TSKS: variants seen among roughly 807,000 people sequenced by gnomAD.
TSKS encodes testis-specific serine kinase substrate.
TSKS carries 27 observed loss-of-function variants against 68.0 expected under a neutral mutation model. The ratio of observed to expected loss-of-function variants is 0.40; its 90% CI spans 0.29 to 0.55. The LOEUF is 0.55. TSKS is among the 20% of genes least tolerant of loss of function. The pLI, the probability that TSKS is intolerant of heterozygous loss-of-function variation, is 0.53. For missense variants in TSKS, 806 were observed against 776.0 expected, an observed-to-expected ratio of 1.04 and a Z score of -0.46; for synonymous variants, 331 against 340.4, an observed-to-expected ratio of 0.97 and a Z score of 0.30.
chr19:49,745,260 C>T lies in TSKS; in HGVS notation c.1129G>A (p.Ala377Thr). 6.2e-7 allele frequency: 1 copy of T among 1,608,244 alleles called. No individual in the cohort carries two copies. Among genetic ancestry groups the T allele is most frequent in the Non-Finnish European group, 8.5e-7 (1 of 1,179,512 alleles). Reference protein sequence around the residue: ...GQWERAQREQAQTARDLQELR... With the variant: ...GQWERAQREQTQTARDLQELR... ...TCCTGCAAGTCCCGCGCCGTCTGTG[C>T]CTGTTCGCGCTGTGCCCGCTCCCAC... The change falls in exon 7 of 11, where the codon GCA (alanine) becomes ACA (threonine). Residue 377 changes from alanine (A) to threonine (T), a missense_variant. Ala to Thr is a moderately conservative substitution (Grantham distance 58). Coordinates refer to ENST00000246801, the MANE Select transcript of TSKS (RefSeq NM_021733.2).
intron 9 of TSKS, 148 bp from the exon 10 acceptor site, chr19:49,740,331 A>AC: frequency 1.1e-6 from 1 of 943,444 alleles, no homozygotes; most frequent in Non-Finnish European, 1.5e-6. Context: ...CTTGAGACTG[A>AC]CCCCAGCATC....
chr19:49,749,340 A>T (rs1273466083), intron 2 of TSKS, among the ~76,000 whole-genome samples: 1 of 152,158 alleles, frequency 6.6e-6, no homozygotes, highest in African/African-American at 2.4e-5. Context: ...CAGAATCTAG[A>T]TTCAGAACGC....
intron 5 of TSKS, 46 bp downstream of exon 5, chr19:49,747,343 A>G (rs1270844336): frequency 9.9e-6 from 16 of 1,613,876 alleles, no homozygotes; most frequent in Non-Finnish European, 1.2e-5. Flanking sequence ...TCCCTCGTGC[A>G]TCTGACCTCC....
At chr19:49,761,182 C>T (rs985408031) in intron 2 of TSKS, among the ~76,000 whole-genome samples, 6 of 152,154 alleles carry the variant, frequency 3.9e-5, no homozygotes, top group African/African-American at 1.2e-4. Flanking sequence ...GCTCCCTGAA[C>T]ATAGAAAGTG....
intron 6 of TSKS, 70 bp downstream of exon 6, chr19:49,746,400 C>A: frequency 1.3e-6 from 2 of 1,571,146 alleles, no homozygotes; most frequent in South Asian, 1.1e-5. Context: ...CCCACCGCAT[C>A]TCCTCGAGGC....
chr19:49,742,261 A>C (rs1171311225), intron 8 of TSKS, among the ~76,000 whole-genome samples: 46 of 139,168 alleles, frequency 3.3e-4, no homozygotes, highest in Middle Eastern at 4.6e-3. Flanking sequence ...GCAGTGGCGC[A>C]ATCTTGGCTC....
Position 49,752,394 on chromosome 19 carries a change from A to C in TSKS, c.400-3925T>G, listed in dbSNP as rs538804813. On this transcript the variant is annotated intron_variant, in intron 2 of 10. Coordinates refer to ENST00000246801, the MANE Select transcript of TSKS (RefSeq NM_021733.2). Reference sequence around the variant, plus strand: ...GCAAAACTCCATCTCAAAAAAAAAAAAAAAAAAAACTTGTGTGGCATCTCC... The same window carrying C: ...GCAAAACTCCATCTCAAAAAAAAAACAAAAAAAAACTTGTGTGGCATCTCC... Among the ~76,000 whole-genome samples the C allele has an allele frequency of 1.2e-4, 19 of 152,062 alleles. 1 individual carries two copies. Among genetic ancestry groups the C allele is most frequent in the African/African-American group, 3.1e-4 (13 of 41,518 alleles).
At chr19:49,760,273 C>T (rs1344319685) in intron 2 of TSKS, among the ~76,000 whole-genome samples, 2 of 151,996 alleles carry the variant, frequency 1.3e-5, no homozygotes, top group Non-Finnish European at 2.9e-5. Flanking sequence ...GAGTTTAAGA[C>T]CAGATTGCAC....
In TSKS at chr19:49,739,863, C is replaced by T. The variant is rs61734996; in HGVS notation, c.1692G>A (p.Leu564=). The part of the protein sequence containing the change: ...MCSLHDHLSN[L]PLEGSTGTMG... ...TTGTTCCCGTGGACCCCTCAAGTGG[C>T]AGGTTGCTGAGATGATCGTGGAGGG... Residue 564 remains leucine (L), a synonymous_variant, in exon 11 of 11, where the codon CTG becomes CTA. Transcript: ENST00000246801. 10 of 1,614,026 alleles carry T rather than the reference C, an allele frequency of 6.2e-6. No individual in the cohort carries two copies. The South Asian group carries it at 8.8e-5, about 14-fold the overall frequency.
chr19:49,747,600 C>T, intron 4 of TSKS, 128 bp from the exon 5 acceptor site: 1 of 914,578 alleles, frequency 1.1e-6, no homozygotes, highest in Non-Finnish European at 1.7e-6. Flanking sequence ...CTCACCAGCT[C>T]ATTTCCTTGG....
chr19:49,761,017 G>A (rs147349812), intron 2 of TSKS, among the ~76,000 whole-genome samples: 150 of 151,932 alleles, frequency 9.9e-4, no homozygotes, highest in African/African-American at 3.4e-3. Context: ...GAACCCGGCC[G>A]GGAAGCAGAG....
intron 6 of TSKS, among the ~76,000 whole-genome samples, chr19:49,746,222 C>T (rs2084298018): frequency 6.6e-6 from 1 of 152,040 alleles, no homozygotes; most frequent in Non-Finnish European, 1.5e-5. Flanking sequence ...TTTGAGGAAC[C>T]TCCCCTGTGT....
intron 2 of TSKS, among the ~76,000 whole-genome samples, chr19:49,748,931 G>A (rs558372111): frequency 3.1e-4 from 47 of 152,214 alleles, no homozygotes; most frequent in African/African-American, 1.0e-3. Flanking sequence ...GCTAGGCGTG[G>A]TGGTGCCTTT....
At chr19:49,758,552 C>T (rs769541927) in intron 2 of TSKS, among the ~76,000 whole-genome samples, 13 of 152,306 alleles carry the variant, frequency 8.5e-5, no homozygotes, top group Admixed American at 6.5e-4. Flanking sequence ...CTCCCCAAGA[C>T]AGGGCGGAGA....
intron 6 of TSKS, 54 bp downstream of exon 6, chr19:49,746,416 C>G: frequency 6.2e-7 from 1 of 1,601,636 alleles, no homozygotes; most frequent in Non-Finnish European, 8.5e-7. Context: ...GAGGCTCCAC[C>G]CCTGAGTCCC....
chr19:49,759,307 A>G (rs1402939694), intron 2 of TSKS, among the ~76,000 whole-genome samples: 1 of 151,626 alleles, frequency 6.6e-6, no homozygotes, highest in South Asian at 2.1e-4. Context: ...CGTCTCTACT[A>G]AAAATACAAA....
rs2084306470 is a variant in TSKS at position 49,746,793 on chromosome 19, C to T, written c.669G>A (p.Lys223=). 1 of 1,598,976 alleles carries T rather than the reference C, an allele frequency of 6.3e-7. No individual in the cohort carries two copies. Among genetic ancestry groups the T allele is most frequent in the Admixed American group, 1.7e-5 (1 of 59,956 alleles). Residue 223 remains lysine, a synonymous_variant, in exon 6 of 11, where the codon AAG becomes AAA. Coordinates refer to ENST00000246801, the MANE Select transcript of TSKS (RefSeq NM_021733.2). ...LKQNSALLEE[K]LRYLQQQLQD... is the part of the protein sequence containing the mutation. ...GCAGCTGCTGCTGGAGGTAGCGCAG[C>T]TTCTCCTGGGTGGTAAGGGAGGACG...
intron 6 of TSKS, among the ~76,000 whole-genome samples, chr19:49,745,955 G>C (rs1014411848): frequency 6.6e-6 from 1 of 152,108 alleles, no homozygotes; most frequent in Non-Finnish European, 1.5e-5. Context: ...AGGCCGAGGC[G>C]GGCGGATCAC....
rs548751249 is a variant in TSKS, at chr19:49,745,952, G to A, written c.992+518C>T. 1.9e-4 allele frequency among the ~76,000 whole-genome samples: 29 copies of A among 152,306 alleles called. No individual in the cohort carries two copies. In the South Asian group the frequency reaches 6.0e-3, roughly 32 times the overall value. The stretch of plus-strand genomic sequence containing the variant: ...TAATCCTAGCACTTTGGGAGGCCGA[G>A]GCGGGCGGATCACGAGGCCAGGAGA... On this transcript the variant is annotated intron_variant, in intron 6 of 10. Transcript: ENST00000246801.
Sources: gnomAD v4.1 joint callset for allele counts (sites outside exome capture counted in the v4.1 genomes callset) on GRCh38, gnomAD v4.1.1 for gene constraint, MANE v1.5 for transcripts, NCBI Gene and HGNC (gene_info 2026-07-23, HGNC 2026-07-21) for gene names.